FBXW2: variants seen among roughly 807,000 people sequenced by gnomAD.
The protein encoded by FBXW2 is F-box/WD repeat-containing protein 2.
In FBXW2, 12 loss-of-function variants were observed where a neutral mutation model predicts 46.0. That is an observed-to-expected ratio of 0.26 (90% CI 0.17 to 0.42). The LOEUF is 0.42. Among genes scored for constraint, FBXW2 ranks in the 10% least tolerant of loss-of-function variants. The pLI is 1.00. For missense variants in FBXW2, 360 were observed against 537.0 expected, an observed-to-expected ratio of 0.67 and a Z score of 3.26; for synonymous variants, 203 against 209.6, an observed-to-expected ratio of 0.97 and a Z score of 0.27.
At position 120,760,786 on chromosome 9, in the gene FBXW2, C is replaced by G. The variant is rs2044185219; in HGVS notation, c.*3773G>C. On this transcript the variant is annotated 3_prime_UTR_variant, in exon 8 of 8. Transcript: ENST00000608872. Reference sequence around the variant, plus strand: ...CAGGATCCACTATCCTTAGCTGATTCTGTTAGATCAAAATGCCTAATACAA... The same window carrying G: ...CAGGATCCACTATCCTTAGCTGATTGTGTTAGATCAAAATGCCTAATACAA... 1 of 152,206 alleles carries G rather than the reference C, an allele frequency of 6.6e-6. No homozygotes were observed. The highest frequency in any genetic ancestry group is 1.5e-5 in the Non-Finnish European group (1 of 68,034). The allele number at this position is 152,206 out of a possible 1,614,324, so 9.4% of individuals were successfully genotyped here. A position where few individuals can be genotyped will look rare whatever the true frequency, so the allele number is the denominator to read the frequency against.
chr9:120,787,633 C>A (rs2044752163), intron 3 of FBXW2, 136 bp downstream of exon 3: 1 of 842,964 alleles, frequency 1.2e-6, no homozygotes, highest in Admixed American at 3.1e-5. Flanking sequence ...GGGAACCACT[C>A]AGGATTAGAG....
At chr9:120,774,993 A>G (rs547669886) in intron 5 of FBXW2, among the ~76,000 whole-genome samples, 1 of 151,810 alleles carries the variant, frequency 6.6e-6, no homozygotes, top group African/African-American at 2.4e-5. Context: ...TTCCACAGCT[A>G]TCTCCTATTT....
intron 5 of FBXW2, 61 bp from the exon 6 acceptor site, chr9:120,772,901 T>C: frequency 8.7e-7 from 1 of 1,152,056 alleles, no homozygotes; most frequent in South Asian, 1.3e-5. Flanking sequence ...AATGATTTTA[T>C]TCTTTAAATT....
intron 7 of FBXW2, among the ~76,000 whole-genome samples, chr9:120,768,538 G>T (rs1295326981): frequency 4.6e-5 from 7 of 152,158 alleles, no homozygotes; most frequent in Non-Finnish European, 7.3e-5. Context: ...TCTAAAGGAG[G>T]CTAGGAAGCC....
In FBXW2 at chr9:120,764,386, C is replaced by A; in HGVS notation, c.*173G>T. The A allele has an allele frequency of 1.5e-6, 1 of 651,336 alleles. No individual in the cohort carries two copies. The highest frequency in any genetic ancestry group is 2.6e-6 in the Non-Finnish European group (1 of 383,654). 40.3% of individuals were successfully genotyped at this position (651,336 alleles called of 1,614,324 possible). ...CTGCGTTGTATGTCAATAAAACAAGCCCTCCCCCACCCCGAGCCCTGGCCC... is the reference window on the plus strand; with the variant it reads ...CTGCGTTGTATGTCAATAAAACAAGACCTCCCCCACCCCGAGCCCTGGCCC... On this transcript the variant is annotated 3_prime_UTR_variant, in exon 8 of 8. Transcript: ENST00000608872.
intron 4 of FBXW2, among the ~76,000 whole-genome samples, chr9:120,776,882 A>T (rs2044508332): frequency 6.6e-6 from 1 of 152,090 alleles, no homozygotes; most frequent in African/African-American, 2.4e-5. Flanking sequence ...AAGGAACTCA[A>T]TCTAAGTAGG....
rs1432112689 is a variant in FBXW2 at position 120,762,663 on chromosome 9, G to C, written c.*1896C>G. 6.6e-6 allele frequency: 1 copy of C among 152,230 alleles called. No individual in the cohort carries two copies. The highest frequency in any genetic ancestry group is 1.9e-4 in the East Asian group (1 of 5,200). The allele number at this position is 152,230 out of a possible 1,614,324, so 9.4% of individuals were successfully genotyped here. A position where few individuals can be genotyped will look rare whatever the true frequency, so the allele number is the denominator to read the frequency against. ...CTGGCTCTATGCTAATGCAGATTCT[G>C]CAAGAGATAGGTCCCCACTCTAGAG... On this transcript the variant is annotated 3_prime_UTR_variant, in exon 8 of 8. Transcript: ENST00000608872.
chr9:120,787,831 G>A lies in FBXW2; in HGVS notation c.428C>T (p.Ser143Leu). The change falls in exon 3 of 8, where the codon TCA (serine) becomes TTA (leucine). Residue 143 changes from serine to leucine, a missense_variant. Transcript: ENST00000608872. ...CACTCTGGCACTGTGTCCAATTAAT[G>A]ACGAGGTTTCAAAGGCTTCATGGTC... ...LEDHEAFETS[S>L]LIGHSARVYA... The A allele has an allele frequency of 6.2e-7, 1 of 1,614,184 alleles. No individual in the cohort carries two copies. The highest frequency in any genetic ancestry group is 8.5e-7 in the Non-Finnish European group (1 of 1,180,042).
chr9:120,786,023 A>G (rs1384019570), intron 3 of FBXW2, among the ~76,000 whole-genome samples: 1 of 149,758 alleles, frequency 6.7e-6, no homozygotes, highest in East Asian at 1.9e-4. Context: ...CATCTCAAAA[A>G]AAAAAAAAAA....
intron 7 of FBXW2, 90 bp downstream of exon 7, chr9:120,771,258 G>T: frequency 1.6e-6 from 2 of 1,242,480 alleles, no homozygotes; most frequent in South Asian, 1.5e-5. Context: ...GCCAGCTACT[G>T]ACTGGTACAT....
chr9:120,772,498 A>C (rs199809575), intron 6 of FBXW2, among the ~76,000 whole-genome samples: 1 of 10,340 alleles, frequency 9.7e-5, no homozygotes, highest in Admixed American at 1.6e-3. Context: ...CTCAAAAAAA[A>C]ACCAACAACA....
At chr9:120,769,925 C>T (rs900678647) in intron 7 of FBXW2, among the ~76,000 whole-genome samples, 3 of 152,218 alleles carry the variant, frequency 2.0e-5, no homozygotes, top group African/African-American at 7.2e-5. Flanking sequence ...ATAACTGATT[C>T]TGACAGCTCT....
chr9:120,792,878 CAT>C (rs1294082248), intron 2 of FBXW2: 34 of 1,513,226 alleles, frequency 2.2e-5, no homozygotes, highest in Non-Finnish European at 2.9e-5. Flanking sequence ...CAGCACCCCA[CAT>C]ACACACCTGT....
chr9:120,789,659 A>G (rs1337899541), intron 2 of FBXW2, among the ~76,000 whole-genome samples: 4 of 152,252 alleles, frequency 2.6e-5, no homozygotes, highest in Non-Finnish European at 5.9e-5. Context: ...ATTAATGTGA[A>G]AAAGGAAAGT....
chr9:120,758,401 A>G lies in FBXW2; in HGVS notation c.*6158T>C, dbSNP rs549766106. 6.6e-6 allele frequency: 1 copy of G among 152,352 alleles called. No homozygotes were observed. Among genetic ancestry groups the G allele is most frequent in the South Asian group, 2.1e-4 (1 of 4,826 alleles). 9.4% of individuals were successfully genotyped at this position (152,352 alleles called of 1,614,324 possible). ...AGCTAGGGCTCCATGATGTTAAGGA[A>G]TCCAGATGTGCCCTGATGGTAACGG... On this transcript the variant is annotated 3_prime_UTR_variant, in exon 8 of 8. Coordinates refer to ENST00000608872, the MANE Select transcript of FBXW2 (RefSeq NM_012164.4).
rs894731039 is a variant in FBXW2, at chr9:120,777,183, G to C, written c.686-957C>G. On this transcript the variant is annotated intron_variant, in intron 4 of 7. Coordinates refer to ENST00000608872, the MANE Select transcript of FBXW2 (RefSeq NM_012164.4). ...AAGTTGATCAGGAATAAAATCACCT[G>C]GAAGTCATGGTACATCTTAACATTG... Among the ~76,000 whole-genome samples, 32 of 152,266 alleles carry C rather than the reference G, an allele frequency of 2.1e-4. 1 individual carries two copies. Among genetic ancestry groups the C allele is most frequent in the African/African-American group, 7.5e-4 (31 of 41,554 alleles).
Position 120,788,216 on chromosome 9 carries a change from C to G in FBXW2, c.43G>C (p.Val15Leu), listed in dbSNP as rs1202859489. ...AAGTCCGTCAGAGAAAGAAATGTAA[C>G]AGAAATGTTATCAAGCCATGTCTCA... ...DFETWLDNIS[V>L]TFLSLTDLQK... The change falls in exon 3 of 8, where the codon GTT (valine) becomes CTT (leucine). Residue 15 changes from valine to leucine, a missense_variant. Transcript: ENST00000608872. The G allele has an allele frequency of 3.1e-6, 5 of 1,613,942 alleles. No homozygotes were observed. Among genetic ancestry groups the G allele is most frequent in the Admixed American group, 1.7e-5 (1 of 60,000 alleles).
intron 3 of FBXW2, among the ~76,000 whole-genome samples, chr9:120,785,541 G>C (rs1352521319): frequency 1.3e-5 from 2 of 152,150 alleles, no homozygotes; most frequent in African/African-American, 4.8e-5. Context: ...TAGCATTTCA[G>C]AGAAAATATC....
At chr9:120,774,987 A>T (rs1307720910) in intron 5 of FBXW2, among the ~76,000 whole-genome samples, 1 of 151,666 alleles carries the variant, frequency 6.6e-6, no homozygotes, top group Admixed American at 6.6e-5. Flanking sequence ...TACTCTTTCC[A>T]CAGCTATCTC....
Sources: gnomAD v4.1 joint callset for allele counts (sites outside exome capture counted in the v4.1 genomes callset) on GRCh38, gnomAD v4.1.1 for gene constraint, MANE v1.5 for transcripts, NCBI Gene and HGNC (gene_info 2026-07-23, HGNC 2026-07-21) for gene names.